CATSPERB: variants seen among roughly 807,000 people sequenced by gnomAD.
CATSPERB encodes cation channel sperm-associated auxiliary subunit beta.
A neutral mutation model predicts 128.3 loss-of-function variants in CATSPERB; 93 were observed. The observed-to-expected ratio is 0.72, with a 90% CI of 0.61 to 0.86. CATSPERB has a LOEUF of 0.86. CATSPERB is among the 40% of genes least tolerant of loss of function. The pLI, the probability that CATSPERB is intolerant of heterozygous loss-of-function variation, is 0.00. For synonymous variants in CATSPERB, 381 were observed against 448.8 expected (o/e 0.85, Z 1.91); for missense variants, 1,153 against 1,329.5 (o/e 0.87, Z 2.06).
At chr14:91,618,591 C>G (rs1013627582) in intron 19 of CATSPERB, among the ~76,000 whole-genome samples, 1 of 152,164 alleles carries the variant, frequency 6.6e-6, no homozygotes, top group Non-Finnish European at 1.5e-5. Flanking sequence ...GGTACATGCC[C>G]AGTTGAAAGG....
intron 15 of CATSPERB, among the ~76,000 whole-genome samples, chr14:91,650,999 C>A (rs1012462308): frequency 4.0e-5 from 6 of 151,852 alleles, no homozygotes; most frequent in Non-Finnish European, 7.4e-5. Context: ...CTTGCTAGGT[C>A]TATTTTGGTT....
intron 17 of CATSPERB, among the ~76,000 whole-genome samples, chr14:91,633,028 C>A (rs925993907): frequency 1.3e-5 from 2 of 152,152 alleles, no homozygotes; most frequent in African/African-American, 4.8e-5. Flanking sequence ...AGCCACTTCT[C>A]CACAGTTAAC....
chr14:91,662,986 ATTG>A (rs1391116164), intron 14 of CATSPERB, among the ~76,000 whole-genome samples: 1 of 152,036 alleles, frequency 6.6e-6, no homozygotes, highest in Non-Finnish European at 1.5e-5. Flanking sequence ...CAGTTTGCAG[ATTG>A]TTGTTGTTTT....
chr14:91,721,403 G>A (rs1896026240), intron 4 of CATSPERB, among the ~76,000 whole-genome samples: 1 of 152,016 alleles, frequency 6.6e-6, no homozygotes, highest in Non-Finnish European at 1.5e-5. Context: ...CTAAAAATGG[G>A]CATATAATTT....
intron 26 of CATSPERB, among the ~76,000 whole-genome samples, chr14:91,584,040 G>C (rs1893253622): frequency 6.6e-6 from 1 of 151,966 alleles, no homozygotes; most frequent in Non-Finnish European, 1.5e-5. Flanking sequence ...GTGTCACCAG[G>C]TCTGGCTATT....
intron 19 of CATSPERB, among the ~76,000 whole-genome samples, chr14:91,620,162 G>A (rs952589716): frequency 2.0e-5 from 3 of 152,066 alleles, no homozygotes; most frequent in Admixed American, 1.3e-4. Flanking sequence ...GATTTTTTAC[G>A]GGAAATTCCT....
chr14:91,611,596 C>G (rs1281496210), intron 20 of CATSPERB, among the ~76,000 whole-genome samples: 1 of 152,038 alleles, frequency 6.6e-6, no homozygotes, highest in African/African-American at 2.4e-5. Context: ...GGTGACAGAG[C>G]TAGCCGTCTC....
chr14:91,658,197 C>T (rs997059881), intron 15 of CATSPERB, among the ~76,000 whole-genome samples: 6 of 152,030 alleles, frequency 3.9e-5, no homozygotes, highest in Non-Finnish European at 8.8e-5. Context: ...GAGTACTATT[C>T]AGCCATAAAA....
chr14:91,669,716 G>T, intron 14 of CATSPERB, 98 bp downstream of exon 14: 2 of 1,169,484 alleles, frequency 1.7e-6, no homozygotes, highest in South Asian at 1.8e-5. Flanking sequence ...GCCATCTCTA[G>T]GTCATCAGAG....
intron 5 of CATSPERB, 60 bp from the exon 6 acceptor site, chr14:91,708,296 T>C: frequency 9.1e-7 from 1 of 1,101,320 alleles, no homozygotes; most frequent in South Asian, 1.3e-5. Context: ...TTTGGTGAAA[T>C]TTAAGGATAT....
rs200777182 is a variant in CATSPERB at position 91,587,299 on chromosome 14, T to C, written c.3058-23A>G. ...GCCCTGTGGAAAAAAGCACACCCAG[T>C]TGTTAGCAGCATCAACATGTACATT... On this transcript the variant is annotated intron_variant, in intron 25 of 26. Coordinates refer to ENST00000256343, the MANE Select transcript of CATSPERB (RefSeq NM_024764.4). 41 of 1,578,768 alleles carry C rather than the reference T, an allele frequency of 2.6e-5. 1 individual carries two copies. In the African/African-American group the frequency reaches 4.8e-4, roughly 18 times the overall value.
chr14:91,710,151 G>T (rs1185307742), intron 5 of CATSPERB: 1 of 152,622 alleles, frequency 6.6e-6, no homozygotes, highest in African/African-American at 2.4e-5. Context: ...TGTTATACAT[G>T]CAATTCAAGA....
intron 22 of CATSPERB, chr14:91,592,358 GT>G (rs1243235965): frequency 3.4e-6 from 1 of 290,288 alleles, no homozygotes; most frequent in African/African-American, 2.3e-5. Context: ...CATAAAATGA[GT>G]GGCCTTGATA....
At chr14:91,601,992 A>G (rs1268905388) in intron 22 of CATSPERB, among the ~76,000 whole-genome samples, 1 of 152,176 alleles carries the variant, frequency 6.6e-6, no homozygotes, top group Non-Finnish European at 1.5e-5. Context: ...ACACTTACAT[A>G]AAGTATAAAA....
rs78975661 is a variant in CATSPERB at position 91,647,955 on chromosome 14, A to G, written c.1433-8705T>C. 6.6e-5 allele frequency among the ~76,000 whole-genome samples: 10 copies of G among 152,346 alleles called. No homozygotes were observed. The East Asian group carries it at 1.9e-3, about 29-fold the overall frequency. The stretch of plus-strand genomic sequence containing the variant: ...TTCTCAGCAGCAAACTGAAGCCACA[A>G]TTGGAAATGGAAGTCCCTTGGATAC... On this transcript the variant is annotated intron_variant, in intron 15 of 26. Transcript: ENST00000256343.
chr14:91,635,198 C>G (rs900503775), intron 17 of CATSPERB, among the ~76,000 whole-genome samples: 12 of 151,992 alleles, frequency 7.9e-5, no homozygotes, highest in African/African-American at 2.9e-4. Flanking sequence ...TACCAAGGGC[C>G]CCACCTCCTA....
intron 22 of CATSPERB, among the ~76,000 whole-genome samples, chr14:91,598,049 T>C (rs1893539914): frequency 6.6e-6 from 1 of 151,802 alleles, no homozygotes; most frequent in Admixed American, 6.6e-5. Flanking sequence ...ATTCATGACA[T>C]GGCCAGACTT....
chr14:91,628,318 A>C (rs570180745), intron 17 of CATSPERB, among the ~76,000 whole-genome samples: 33 of 152,320 alleles, frequency 2.2e-4, no homozygotes, highest in African/African-American at 7.7e-4. Flanking sequence ...CTCTAATAAT[A>C]TAACAATAAG....
At chr14:91,648,819 G>T (rs958559434) in intron 15 of CATSPERB, among the ~76,000 whole-genome samples, 12 of 151,916 alleles carry the variant, frequency 7.9e-5, no homozygotes, top group Admixed American at 5.9e-4. Context: ...TATATTTCAA[G>T]ATTTTAAAAT....
Sources: allele counts gnomAD v4.1 joint callset (sites outside exome capture counted in the v4.1 genomes callset), GRCh38; gene constraint gnomAD v4.1.1; transcripts MANE v1.5; gene names NCBI Gene and HGNC (gene_info 2026-07-23, HGNC 2026-07-21).